The following LRRFIP1 variants were observed in gnomAD, a reference collection of about 807,000 sequenced individuals.
The protein encoded by LRRFIP1 is LRR binding FLII interacting protein 1, also known as leucine-rich repeat flightless-interacting protein 1.
A neutral mutation model predicts 104.4 loss-of-function variants in LRRFIP1; 62 were observed. The ratio of observed to expected loss-of-function variants is 0.59; its 90% CI spans 0.48 to 0.73. The LOEUF (loss-of-function observed/expected upper bound fraction) is 0.73, where lower values mean the gene tolerates loss of function less well. Ranked by LOEUF, LRRFIP1 falls within the 30% of genes least tolerant of loss-of-function variation. The pLI is 0.00. For synonymous variants in LRRFIP1, 300 were observed against 299.0 expected, an observed-to-expected ratio of 1.00 and a Z score of -0.03; for missense variants, 796 against 824.5, an observed-to-expected ratio of 0.97 and a Z score of 0.42.
At chr2:237,710,404 C>T (rs1214035625) in intron 2 of LRRFIP1, among the ~76,000 whole-genome samples, 1 of 152,044 alleles carries the variant, frequency 6.6e-6, no homozygotes. Flanking sequence ...CTGCCTCAGC[C>T]TCCTGAGTAG....
At chr2:237,692,205 GC>G (rs2092838323) in intron 1 of LRRFIP1, 1 of 1,068,310 alleles carries the variant, frequency 9.4e-7, no homozygotes, top group Non-Finnish European at 1.1e-6. Flanking sequence ...CTTCCCCGGC[GC>G]CCTTCCACCC....
At chr2:237,704,775 A>C (rs189778259) in intron 1 of LRRFIP1, among the ~76,000 whole-genome samples, 62 of 152,240 alleles carry the variant, frequency 4.1e-4, no homozygotes, top group African/African-American at 1.4e-3. Flanking sequence ...TCTGAATTCT[A>C]ATGTAAGGTG....
intron 11 of LRRFIP1, among the ~76,000 whole-genome samples, chr2:237,741,888 G>C (rs1430596958): frequency 6.6e-6 from 1 of 152,066 alleles, no homozygotes; most frequent in East Asian, 1.9e-4. Flanking sequence ...ACAATTGACA[G>C]AAGAATGTTG....
At chr2:237,667,816 C>T (rs985663433) in intron 1 of LRRFIP1, among the ~76,000 whole-genome samples, 1 of 149,674 alleles carries the variant, frequency 6.7e-6, no homozygotes, top group Admixed American at 6.6e-5. Flanking sequence ...AGGACTGGCC[C>T]AGCCCCCGAG....
chr2:237,760,713 C>T (rs1443621109), intron 19 of LRRFIP1, among the ~76,000 whole-genome samples: 2 of 152,128 alleles, frequency 1.3e-5, no homozygotes, highest in African/African-American at 2.4e-5. Flanking sequence ...ACAGCAGGTC[C>T]GTCTGTGTTG....
Position 237,751,287 on chromosome 2 carries a change from C to T in LRRFIP1, c.867+16C>T, listed in dbSNP as rs774926234. On this transcript the variant is annotated intron_variant, in intron 14 of 23. Coordinates refer to ENST00000308482, the MANE Select transcript of LRRFIP1 (RefSeq NM_001137550.2). ...AGAGATGAAGGTACCAATTCACAGACGTGTGGTCTCACGATATTAACCCAA... is the reference window on the plus strand; with the variant it reads ...AGAGATGAAGGTACCAATTCACAGATGTGTGGTCTCACGATATTAACCCAA... 2.1e-5 allele frequency: 34 copies of T among 1,581,796 alleles called. No individual in the cohort carries two copies. Among genetic ancestry groups the T allele is most frequent in the Middle Eastern group, 3.3e-4 (2 of 6,014 alleles).
intron 23 of LRRFIP1, 101 bp from the exon 24 acceptor site, chr2:237,779,321 A>G: frequency 6.8e-7 from 1 of 1,467,936 alleles, no homozygotes; most frequent in Non-Finnish European, 9.1e-7. Context: ...CCAAGTTATC[A>G]TTTTATTTTT....
chr2:237,688,512 G>A (rs2092551852), intron 1 of LRRFIP1, among the ~76,000 whole-genome samples: 1 of 131,978 alleles, frequency 7.6e-6, no homozygotes, highest in Non-Finnish European at 1.6e-5. Flanking sequence ...CTAGTAGAAT[G>A]CAGTGGCATG....
intron 1 of LRRFIP1, among the ~76,000 whole-genome samples, chr2:237,673,660 A>T (rs1396934837): frequency 1.3e-5 from 2 of 152,134 alleles, no homozygotes; most frequent in African/African-American, 4.8e-5. Context: ...GTGTTTGTGG[A>T]TGGAATGAAT....
chr2:237,763,503 A>G (rs776261018), intron 19 of LRRFIP1: 29 of 1,613,656 alleles, frequency 1.8e-5, no homozygotes, highest in South Asian at 2.2e-5. Flanking sequence ...GAGTTAACGT[A>G]TCAGAACACA....
At chr2:237,720,631 C>G (rs2094504249) in intron 5 of LRRFIP1, 141 bp from the exon 6 acceptor site, 1 of 683,228 alleles carries the variant, frequency 1.5e-6, no homozygotes, top group Non-Finnish European at 2.7e-6. Context: ...ACTGGTGTCC[C>G]CTGAGATGTC....
chr2:237,668,162 G>A (rs887924683), intron 1 of LRRFIP1, among the ~76,000 whole-genome samples: 1 of 151,978 alleles, frequency 6.6e-6, no homozygotes, highest in African/African-American at 2.4e-5. Context: ...TCCCCTCCTC[G>A]GTGAAATCGT....
intron 3 of LRRFIP1, among the ~76,000 whole-genome samples, chr2:237,715,643 C>T (rs2094300142): frequency 6.6e-6 from 1 of 152,236 alleles, no homozygotes; most frequent in East Asian, 1.9e-4. Context: ...AGGCTTTCCT[C>T]ATTGCTGAGA....
chr2:237,684,252 T>C (rs2092138522), intron 1 of LRRFIP1: 1 of 150,550 alleles, frequency 6.6e-6, no homozygotes, highest in East Asian at 2.0e-4. Context: ...CGGGTAGATC[T>C]CTCGAGGCCA....
intron 3 of LRRFIP1, among the ~76,000 whole-genome samples, chr2:237,714,847 A>C (rs1485303413): frequency 6.6e-6 from 1 of 152,238 alleles, no homozygotes; most frequent in Non-Finnish European, 1.5e-5. Context: ...GGCCAGATAC[A>C]GAAAATAAAG....
rs149461073 is a variant in LRRFIP1, at chr2:237,727,464, T to C, written c.385-412T>C. Among the ~76,000 whole-genome samples, 504 of 152,208 alleles carry C rather than the reference T, an allele frequency of 3.3e-3. 1 individual carries two copies. Among genetic ancestry groups the C allele is most frequent in the African/African-American group, 0.012 (480 of 41,544 alleles). ...CCCTGAACCAGGAACTGAAAACTCA[T>C]TGACTCAGGCTGAATCACTACCCAT... On this transcript the variant is annotated intron_variant, in intron 7 of 23. Coordinates refer to ENST00000308482, the MANE Select transcript of LRRFIP1 (RefSeq NM_001137550.2).
At chr2:237,659,296 A>G (rs966818352) in intron 1 of LRRFIP1, among the ~76,000 whole-genome samples, 11 of 151,594 alleles carry the variant, frequency 7.3e-5, no homozygotes, top group African/African-American at 2.7e-4. Flanking sequence ...ATGTCTCCCT[A>G]TGTTGCCCAG....
chr2:237,763,669 G>A (rs758673109), intron 19 of LRRFIP1: 1 of 1,614,136 alleles, frequency 6.2e-7, no homozygotes, highest in South Asian at 1.1e-5. Flanking sequence ...AAATTAAGTT[G>A]GATGGAAAAC....
chr2:237,779,582 A>G lies in LRRFIP1; in HGVS notation c.*50A>G, dbSNP rs545543958. On this transcript the variant is annotated 3_prime_UTR_variant, in exon 24 of 24. Transcript: ENST00000308482. ...GTTGGTGACTGGAGAGCATTGTTTC[A>G]TAGGCTTTTCTCTGTCCTATCTGGG... 1,042 of 1,488,304 alleles carry G rather than the reference A, an allele frequency of 7.0e-4. 3 individuals are homozygous for G. The highest frequency in any genetic ancestry group is 8.8e-4 in the Admixed American group (52 of 59,134). The allele number at this position is 1,488,304 out of a possible 1,614,324, so 92.2% of individuals were successfully genotyped here. A position where few individuals can be genotyped will look rare whatever the true frequency, so the allele number is the denominator to read the frequency against.
Sources: gnomAD v4.1 joint callset for allele counts (sites outside exome capture counted in the v4.1 genomes callset) on GRCh38, gnomAD v4.1.1 for gene constraint, MANE v1.5 for transcripts, NCBI Gene and HGNC (gene_info 2026-07-23, HGNC 2026-07-21) for gene names.